The following SLC9A9 variants were observed in gnomAD, a reference collection of about 807,000 sequenced individuals.
SLC9A9 encodes sodium/hydrogen exchanger 9.
Under a neutral mutation model 77.8 loss-of-function variants are expected in SLC9A9, and 62 were observed. The observed-to-expected ratio is 0.80, with a 90% CI of 0.65 to 0.98. The LOEUF is 0.98. Ranked by LOEUF, SLC9A9 falls within the 50% of genes least tolerant of loss-of-function variation. The pLI is 0.00. For synonymous variants in SLC9A9, 320 were observed against 283.5 expected (o/e 1.13, Z -1.29); for missense variants, 775 against 774.9 (o/e 1.00, Z 0.00).
At chr3:143,427,614 A>G (rs2034431067) in intron 12 of SLC9A9, among the ~76,000 whole-genome samples, 1 of 152,246 alleles carries the variant, frequency 6.6e-6, no homozygotes, top group South Asian at 2.1e-4. Flanking sequence ...GTGGTTTCAG[A>G]AAACTTAAGA....
intron 2 of SLC9A9, among the ~76,000 whole-genome samples, chr3:143,815,545 T>TAA (rs2008983918): frequency 6.7e-6 from 1 of 150,236 alleles, no homozygotes; most frequent in African/African-American, 2.5e-5. Flanking sequence ...TTTTGCTATT[T>TAA]TAAAAAAAAA....
chr3:143,805,036 T>TA (rs2008673199), intron 2 of SLC9A9, among the ~76,000 whole-genome samples: 1 of 152,144 alleles, frequency 6.6e-6, no homozygotes, highest in Admixed American at 6.5e-5. Context: ...TATGACAACA[T>TA]AAAAAAACTC....
rs1284249106 is a variant in SLC9A9 at position 143,278,627 on chromosome 3, C to T, written c.1605-9647G>A. On this transcript the variant is annotated intron_variant, in intron 14 of 15. Coordinates refer to ENST00000316549, the MANE Select transcript of SLC9A9 (RefSeq NM_173653.4). The stretch of plus-strand genomic sequence containing the variant: ...TCTGTCTTCACAGGGTGTTCTATGT[C>T]TTGACATGATCACCTTCTTACAAGC... 1.3e-5 allele frequency among the ~76,000 whole-genome samples: 2 copies of T among 152,214 alleles called. 1 individual carries two copies. Among genetic ancestry groups the T allele is most frequent in the African/African-American group, 4.8e-5 (2 of 41,454 alleles).
At chr3:143,573,325 G>A (rs1437753058) in intron 8 of SLC9A9, among the ~76,000 whole-genome samples, 2 of 152,108 alleles carry the variant, frequency 1.3e-5, no homozygotes, top group Admixed American at 6.6e-5. Flanking sequence ...ATTGAAACCT[G>A]GGAGAAGCAG....
intron 14 of SLC9A9, among the ~76,000 whole-genome samples, chr3:143,275,279 TC>T (rs1938013149): frequency 6.6e-6 from 1 of 152,198 alleles, no homozygotes; most frequent in African/African-American, 2.4e-5. Flanking sequence ...ATCACATGCT[TC>T]CCCCTGCCCC....
intron 4 of SLC9A9, among the ~76,000 whole-genome samples, chr3:143,784,779 C>A (rs1417012954): frequency 1.3e-5 from 2 of 152,098 alleles, no homozygotes; most frequent in Non-Finnish European, 2.9e-5. Context: ...GCTTGTGTCA[C>A]CCCAAAATTA....
intron 14 of SLC9A9, among the ~76,000 whole-genome samples, chr3:143,320,272 A>G (rs1193840940): frequency 6.6e-6 from 1 of 152,216 alleles, no homozygotes; most frequent in Non-Finnish European, 1.5e-5. Context: ...GTTTGAGTGA[A>G]TTACTGCCTG....
intron 4 of SLC9A9, among the ~76,000 whole-genome samples, chr3:143,771,843 G>A (rs1010814864): frequency 5.3e-5 from 8 of 152,124 alleles, no homozygotes; most frequent in African/African-American, 1.9e-4. Context: ...CATTTCCCAG[G>A]GGGTGGAGAA....
chr3:143,634,147 C>CTTTTTTTTTTTTTTTTTTTTTTTT (rs1033629087), intron 6 of SLC9A9, among the ~76,000 whole-genome samples: 5 of 149,216 alleles, frequency 3.4e-5, no homozygotes, highest in African/African-American at 1.0e-4. Flanking sequence ...ATAATCCTTT[C>CTTTTTTTTTTTTTTTTTTTTTTTT]TTTAAGCTTG....
chr3:143,312,782 G>A (rs571466264), intron 14 of SLC9A9, among the ~76,000 whole-genome samples: 5 of 152,262 alleles, frequency 3.3e-5, no homozygotes, highest in African/African-American at 1.2e-4. Context: ...TTTGAGGACC[G>A]AAGTCATCCC....
In SLC9A9 at chr3:143,481,390, C is replaced by T. The variant is rs564254352; in HGVS notation, c.1315+12263G>A. ...AGGGTGGGTGGATGTGGAAAGGGTT[C>T]CAGGCATAAGGAGAGCCTGAGTGAA... On this transcript the variant is annotated intron_variant, in intron 11 of 15. Coordinates refer to ENST00000316549, the MANE Select transcript of SLC9A9 (RefSeq NM_173653.4). 1.2e-4 allele frequency among the ~76,000 whole-genome samples: 19 copies of T among 152,180 alleles called. No individual in the cohort carries two copies. The South Asian group carries it at 4.0e-3, about 32-fold the overall frequency.
chr3:143,354,552 G>T (rs2032540636), intron 14 of SLC9A9, among the ~76,000 whole-genome samples: 1 of 152,224 alleles, frequency 6.6e-6, no homozygotes, highest in African/African-American at 2.4e-5. Context: ...GGCAGCCATG[G>T]CCCATGCTGA....
At chr3:143,756,201 G>T (rs1466210466) in intron 4 of SLC9A9, among the ~76,000 whole-genome samples, 2 of 152,142 alleles carry the variant, frequency 1.3e-5, no homozygotes, top group African/African-American at 4.8e-5. Context: ...GCGTTTTTGT[G>T]CATGTGGTCA....
At chr3:143,305,435 C>T in intron 14 of SLC9A9, among the ~76,000 whole-genome samples, 1 of 152,158 alleles carries the variant, frequency 6.6e-6, no homozygotes, top group East Asian at 1.9e-4. Context: ...GGAAATGTCC[C>T]AGAGTCACAC....
intron 6 of SLC9A9, among the ~76,000 whole-genome samples, chr3:143,596,365 T>C (rs1018126054): frequency 1.3e-5 from 2 of 152,202 alleles, no homozygotes; most frequent in African/African-American, 4.8e-5. Context: ...GGTCATTTCA[T>C]CAGGTATCAG....
At chr3:143,388,009 G>C (rs983096174) in intron 12 of SLC9A9, among the ~76,000 whole-genome samples, 17 of 152,162 alleles carry the variant, frequency 1.1e-4, no homozygotes, top group Non-Finnish European at 2.5e-4. Flanking sequence ...GACAGGGGCT[G>C]GGTGGTGGGG....
At chr3:143,567,852 G>A (rs891573350) in intron 8 of SLC9A9, among the ~76,000 whole-genome samples, 4 of 152,184 alleles carry the variant, frequency 2.6e-5, no homozygotes, top group African/African-American at 4.8e-5. Context: ...GTCTTTAAAA[G>A]CTTGATTCTT....
chr3:143,826,414 G>A (rs7651412), intron 2 of SLC9A9, among the ~76,000 whole-genome samples: 124,406 of 152,114 alleles, frequency 0.82, 54,748 homozygotes, highest in South Asian at 0.97. Flanking sequence ...CTCTTCTTCT[G>A]ACTAGTTGGG....
At position 143,304,333 on chromosome 3, in the gene SLC9A9, G is replaced by A. The variant is rs141620663; in HGVS notation, c.1605-35353C>T. The stretch of plus-strand genomic sequence containing the variant: ...TCTGAGCCATCCAAGAAACACCCAC[G>A]TTAATGGCTGTGCCTAGGAGGCGCA... On this transcript the variant is annotated intron_variant, in intron 14 of 15. Transcript: ENST00000316549. 3.3e-3 allele frequency among the ~76,000 whole-genome samples: 506 copies of A among 152,292 alleles called. 5 individuals are homozygous for A. The highest frequency in any genetic ancestry group is 0.012 in the African/African-American group (481 of 41,564).
Sources: allele counts gnomAD v4.1 joint callset (sites outside exome capture counted in the v4.1 genomes callset), GRCh38; gene constraint gnomAD v4.1.1; transcripts MANE v1.5; gene names NCBI Gene and HGNC (gene_info 2026-07-23, HGNC 2026-07-21).